CALN1: variants seen among roughly 807,000 people sequenced by gnomAD.
CALN1 encodes calcium-binding protein 8.
In CALN1, 17 loss-of-function variants were observed where a neutral mutation model predicts 30.6. That is an observed-to-expected ratio of 0.56 (90% CI 0.38 to 0.83). The LOEUF (loss-of-function observed/expected upper bound fraction) is 0.83. Among genes scored for constraint, CALN1 ranks in the 40% least tolerant of loss-of-function variants. The probability of loss-of-function intolerance (pLI) is 0.00; values close to 1 mark genes in which losing one functional copy is unlikely to be tolerated. For synonymous variants in CALN1, 156 were observed against 131.4 expected, an observed-to-expected ratio of 1.19 and a Z score of -1.28; for missense variants, 291 against 354.9, an observed-to-expected ratio of 0.82 and a Z score of 1.45.
chr7:72,043,209 G>C (rs1802240844), intron 4 of CALN1, among the ~76,000 whole-genome samples: 1 of 152,000 alleles, frequency 6.6e-6, no homozygotes. Context: ...TCTGTTCATG[G>C]AATTTTACAT....
chr7:72,277,368 G>A lies in CALN1; in HGVS notation c.244+1318C>T, dbSNP rs539379907. ...TCAGAGCTCAATTTCCTGCTTCTGT[G>A]TCCTGCACCAGCACACCTTTTGCTC... On this transcript the variant is annotated intron_variant, in intron 3 of 6. Transcript: ENST00000395275. Among the ~76,000 whole-genome samples the A allele has an allele frequency of 3.9e-5, 6 of 152,272 alleles. No homozygotes were observed. The East Asian group carries it at 1.2e-3, about 29-fold the overall frequency.
chr7:72,112,893 G>C (rs1275723682), intron 3 of CALN1, among the ~76,000 whole-genome samples: 1 of 152,170 alleles, frequency 6.6e-6, no homozygotes, highest in African/African-American at 2.4e-5. Context: ...ATGTTGAAGG[G>C]ACAACTCTGA....
intron 3 of CALN1, among the ~76,000 whole-genome samples, chr7:72,191,355 A>G (rs1790585778): frequency 6.6e-6 from 1 of 152,042 alleles, no homozygotes; most frequent in South Asian, 2.1e-4. Context: ...TAATTTCCAC[A>G]CTTTGGGAGG....
chr7:72,310,325 A>G (rs1389769470), intron 2 of CALN1, among the ~76,000 whole-genome samples: 1 of 150,546 alleles, frequency 6.6e-6, no homozygotes, highest in African/African-American at 2.5e-5. Flanking sequence ...TATGATCCAG[A>G]AGATACTTAT....
intron 4 of CALN1, among the ~76,000 whole-genome samples, chr7:72,093,356 C>T (rs931545447): frequency 3.3e-5 from 5 of 152,094 alleles, no homozygotes; most frequent in African/African-American, 1.2e-4. Context: ...GAATCCAGCA[C>T]GGTTTCTGCA....
chr7:71,895,661 T>C (rs1252397874), intron 5 of CALN1, among the ~76,000 whole-genome samples: 1 of 152,176 alleles, frequency 6.6e-6, no homozygotes, highest in Non-Finnish European at 1.5e-5. Flanking sequence ...GTAAGAGTTA[T>C]GACAGAATGA....
chr7:72,412,320 T>A lies in CALN1; in HGVS notation c.-336A>T, dbSNP rs113723621. On this transcript the variant is annotated 5_prime_UTR_variant, in exon 1 of 7. Coordinates refer to ENST00000395275, the MANE Select transcript of CALN1 (RefSeq NM_031468.4). ...AGAAAAAAACACAAACTCAAGCGGA[T>A]AGCACCCCAGCGAGCTTCCCCAGCG... The A allele has an allele frequency of 6.6e-6, 1 of 152,234 alleles. No homozygotes were observed. Among genetic ancestry groups the A allele is most frequent in the Non-Finnish European group, 1.5e-5 (1 of 68,052 alleles). 9.4% of individuals were successfully genotyped at this position (152,234 alleles called of 1,614,324 possible). A position where few individuals can be genotyped will look rare whatever the true frequency, so the allele number is the denominator to read the frequency against.
chr7:71,864,541 G>A (rs1234414477), intron 5 of CALN1, among the ~76,000 whole-genome samples: 2 of 152,164 alleles, frequency 1.3e-5, no homozygotes, highest in Non-Finnish European at 2.9e-5. Flanking sequence ...AGAATCCTGA[G>A]CTCCAAATAG....
chr7:72,012,460 C>T (rs896487010), intron 5 of CALN1, among the ~76,000 whole-genome samples: 1 of 152,114 alleles, frequency 6.6e-6, no homozygotes, highest in African/African-American at 2.4e-5. Context: ...TGCAGTGAGC[C>T]GAGGTCGTGC....
At chr7:72,443,141 C>T (rs998204050) in intron 1 of CALN1, among the ~76,000 whole-genome samples, 4 of 152,206 alleles carry the variant, frequency 2.6e-5, no homozygotes, top group African/African-American at 7.2e-5. Context: ...TCCTCCTCCT[C>T]GGCTGTATTT....
chr7:71,911,762 G>A (rs899199611), intron 5 of CALN1, among the ~76,000 whole-genome samples: 1 of 152,088 alleles, frequency 6.6e-6, no homozygotes, highest in Admixed American at 6.6e-5. Flanking sequence ...TAAATCAGAA[G>A]GGCCTCTCTG....
At chr7:72,273,967 C>T (rs945792940) in intron 3 of CALN1, among the ~76,000 whole-genome samples, 2 of 151,718 alleles carry the variant, frequency 1.3e-5, no homozygotes, top group Admixed American at 6.6e-5. Context: ...ATCTGGAAGA[C>T]GTAGAGAAAA....
At chr7:72,339,478 A>G (rs1802282321) in intron 2 of CALN1, among the ~76,000 whole-genome samples, 2 of 152,192 alleles carry the variant, frequency 1.3e-5, no homozygotes, top group Admixed American at 1.3e-4. Context: ...AAGAAACTCC[A>G]GGTACCTAGC....
intron 4 of CALN1, among the ~76,000 whole-genome samples, chr7:72,060,335 G>A (rs1803562174): frequency 6.6e-6 from 1 of 152,140 alleles, no homozygotes; most frequent in South Asian, 2.1e-4. Context: ...GGATCAGGAA[G>A]CTGATACAGC....
At chr7:72,333,986 C>T (rs148985407) in intron 2 of CALN1, among the ~76,000 whole-genome samples, 14 of 152,300 alleles carry the variant, frequency 9.2e-5, no homozygotes, top group Middle Eastern at 3.4e-3. Flanking sequence ...GTGGAAAGTG[C>T]CCCGCACATA....
At chr7:72,259,074 C>T (rs1380046111) in intron 3 of CALN1, among the ~76,000 whole-genome samples, 1 of 150,630 alleles carries the variant, frequency 6.6e-6, no homozygotes, top group Non-Finnish European at 1.5e-5. Flanking sequence ...GAGCGAGACT[C>T]CATTTCAATT....
chr7:72,282,986 T>C (rs1365983913), intron 2 of CALN1, among the ~76,000 whole-genome samples: 3 of 141,412 alleles, frequency 2.1e-5, no homozygotes, highest in Admixed American at 7.6e-5. Context: ...AACCCGGGAG[T>C]GGACGTTGCA....
intron 3 of CALN1, among the ~76,000 whole-genome samples, chr7:72,127,901 T>TAG (rs1026644655): frequency 6.6e-6 from 1 of 152,136 alleles, no homozygotes; most frequent in Non-Finnish European, 1.5e-5. Flanking sequence ...TGATTTAAGC[T>TAG]AGAGAGAGAG....
chr7:72,292,371 A>G (rs775699662), intron 2 of CALN1, among the ~76,000 whole-genome samples: 14 of 151,152 alleles, frequency 9.3e-5, no homozygotes, highest in Non-Finnish European at 1.9e-4. Context: ...CCCTTATAAG[A>G]GGACATTCGT....
Sources: gnomAD v4.1 joint callset for allele counts (sites outside exome capture counted in the v4.1 genomes callset) on GRCh38, gnomAD v4.1.1 for gene constraint, MANE v1.5 for transcripts, NCBI Gene and HGNC (gene_info 2026-07-23, HGNC 2026-07-21) for gene names.